The following NBPF10 variants were observed in gnomAD, a reference collection of about 807,000 sequenced individuals.
NBPF10 encodes NBPF family member NBPF10.
Under a neutral mutation model 77.9 loss-of-function variants are expected in NBPF10, and 63 were observed. The observed-to-expected ratio is 0.81, with a 90% CI of 0.66 to 1.00. The LOEUF (loss-of-function observed/expected upper bound fraction) is 1.00. Among genes scored for constraint, NBPF10 ranks in the 50% least tolerant of loss-of-function variants. NBPF10 has a pLI of 0.00. For missense variants in NBPF10, 522 were observed against 679.8 expected (o/e 0.77, Z 2.58); for synonymous variants, 146 against 264.5 (o/e 0.55, Z 4.35).
At chr1:146,139,077 CT>C (rs1660005214) in intron 5 of NBPF10, among the ~76,000 whole-genome samples, 1 of 134,632 alleles carries the variant, frequency 7.4e-6, no homozygotes, top group East Asian at 2.3e-4. Flanking sequence ...GCCAGCGCCC[CT>C]GGTCAGAGAC....
Position 146,069,410 on chromosome 1 carries a change from A to T in NBPF10, c.10810+133T>A, listed in dbSNP as rs1655562398. 1.2e-5 allele frequency: 6 copies of T among 503,938 alleles called. 1 individual carries two copies. The Admixed American group carries it at 2.2e-4, about 18-fold the overall frequency. The allele number at this position is 503,938 out of a possible 1,614,324, so 31.2% of individuals were successfully genotyped here. On this transcript the variant is annotated intron_variant, in intron 86 of 89. Coordinates refer to ENST00000583866, the Ensembl canonical transcript of NBPF10. ...TCCAAGTGGAACTAGAGTTTCATTC[A>T]ACCTACATATGCCTATAGGTCCTCC...
intron 14 of NBPF10, among the ~76,000 whole-genome samples, chr1:146,125,922 A>G (rs1473559057): frequency 1.3e-5 from 2 of 151,676 alleles, no homozygotes; most frequent in South Asian, 4.2e-4. Context: ...AAAGGATGAA[A>G]TCTACAAGAT....
chr1:146,069,530 G>C lies in NBPF10; in HGVS notation c.10810+13C>G, dbSNP rs1434386559. On this transcript the variant is annotated intron_variant, in intron 86 of 89. Transcript: ENST00000583866. ...TCAGTGGATCCTTATCACCTTCATA[G>C]AAAGGTACTCACCATCCATGTCAAC... The C allele has an allele frequency of 4.5e-6, 4 of 894,616 alleles. 1 individual carries two copies. Among genetic ancestry groups the C allele is most frequent in the African/African-American group, 5.2e-5 (2 of 38,188 alleles). The allele number at this position is 894,616 out of a possible 1,614,324, so 55.4% of individuals were successfully genotyped here.
At chr1:146,121,880 C>T (rs1274094905) in intron 19 of NBPF10, among the ~76,000 whole-genome samples, 1 of 149,022 alleles carries the variant, frequency 6.7e-6, no homozygotes, top group Admixed American at 6.6e-5. Context: ...GAGACAGAGA[C>T]AGAGACAGAG....
At chr1:146,139,254 C>A (rs1196413525) in intron 5 of NBPF10, among the ~76,000 whole-genome samples, 2 of 149,700 alleles carry the variant, frequency 1.3e-5, no homozygotes, top group East Asian at 1.9e-4. Context: ...CGCCCACCAC[C>A]ACGCCCAGCT....
intron 1 of NBPF10, among the ~76,000 whole-genome samples, chr1:146,143,376 A>G (rs1553798222): frequency 4.5e-4 from 68 of 150,476 alleles, no homozygotes; most frequent in African/African-American, 1.5e-3. Context: ...TAGAAACAGC[A>G]TAAGATTAGT....
chr1:146,125,997 G>C (rs1272920100), intron 14 of NBPF10, among the ~76,000 whole-genome samples: 21 of 151,842 alleles, frequency 1.4e-4, no homozygotes, highest in Admixed American at 4.6e-4. Flanking sequence ...CCAACATCTT[G>C]AGAGTAGGAT....
intron 89 of NBPF10, among the ~76,000 whole-genome samples, 185 bp downstream of exon 89, chr1:146,066,995 G>C (rs1454757990): frequency 8.4e-5 from 12 of 143,412 alleles, no homozygotes; most frequent in African/African-American, 3.0e-4. Context: ...TGGTACGTTA[G>C]GAAATGATAA....
At chr1:146,126,111 T>A in intron 14 of NBPF10, 125 bp downstream of exon 14, 2 of 710,460 alleles carry the variant, frequency 2.8e-6, no homozygotes. Flanking sequence ...TCAACCTACA[T>A]GTGCCTATAG....
At chr1:146,123,501 C>A (rs1571181956) in intron 17 of NBPF10, among the ~76,000 whole-genome samples, 1 of 100,388 alleles carries the variant, frequency 1.0e-5, no homozygotes, top group Non-Finnish European at 2.0e-5. Context: ...CACACACACA[C>A]ACACACACAC....
At chr1:146,126,704 T>C (rs587728092) in intron 13 of NBPF10, among the ~76,000 whole-genome samples, 2 of 146,514 alleles carry the variant, frequency 1.4e-5, no homozygotes, top group South Asian at 2.3e-4. Flanking sequence ...GTATTTGTGC[T>C]CTCAGGACAC....
chr1:146,067,329 T>C, intron 88 of NBPF10, 41 bp from the exon 89 acceptor site: 2 of 470,586 alleles, frequency 4.3e-6, no homozygotes, highest in Non-Finnish European at 7.4e-6. Context: ...TTAAGCTGAT[T>C]CCCCTACACA....
At chr1:146,126,362 C>G in exon 14 of NBPF10, 3 of 1,388,662 alleles carry the variant, frequency 2.2e-6, no homozygotes, top group South Asian at 1.2e-5. Flanking sequence ...TCCTGTGAGT[C>G]CTGCAAGACT....
chr1:146,126,606 C>G (rs1553662689), intron 13 of NBPF10, among the ~76,000 whole-genome samples, 198 bp from the exon 14 acceptor site: 2 of 132,010 alleles, frequency 1.5e-5, no homozygotes, highest in African/African-American at 2.6e-5. Context: ...GACACACACA[C>G]ACACACACAC....
intron 7 of NBPF10, among the ~76,000 whole-genome samples, 175 bp downstream of exon 7, chr1:146,136,178 C>A (rs1207741202): frequency 6.6e-6 from 1 of 151,748 alleles, no homozygotes; most frequent in East Asian, 1.9e-4. Flanking sequence ...ACAACTGCAA[C>A]CCATACATTT....
intron 89 of NBPF10, 149 bp from the exon 90 acceptor site, chr1:146,066,710 A>G (rs1402880539): frequency 5.1e-6 from 3 of 589,074 alleles, no homozygotes; most frequent in Non-Finnish European, 9.1e-6. Flanking sequence ...TATTGCCTTT[A>G]TGTTGGGATA....
At chr1:146,130,791 T>C (rs1343143468) in intron 11 of NBPF10, among the ~76,000 whole-genome samples, 2 of 148,128 alleles carry the variant, frequency 1.4e-5, no homozygotes, top group African/African-American at 2.5e-5. Context: ...CCATTGACGC[T>C]AGGAAGAAAC....
exon 2 of NBPF10, chr1:146,142,688 C>T (rs782548928): frequency 2.2e-6 from 3 of 1,359,296 alleles, no homozygotes. Context: ...CTGCAAGCTT[C>T]TCCTCCTTGA....
At chr1:146,139,236 A>T (rs1307674012) in intron 5 of NBPF10, among the ~76,000 whole-genome samples, 3 of 147,860 alleles carry the variant, frequency 2.0e-5, no homozygotes, top group African/African-American at 7.4e-5. Flanking sequence ...AGTAGCTGGG[A>T]CTACAGGCGC....
Sources: allele counts gnomAD v4.1 joint callset (sites outside exome capture counted in the v4.1 genomes callset), GRCh38; gene constraint gnomAD v4.1.1; transcripts MANE v1.5; gene names NCBI Gene and HGNC (gene_info 2026-07-23, HGNC 2026-07-21).